Variants in ENPP4 observed in about 807,000 individuals in gnomAD.
ENPP4 encodes bis(5'-adenosyl)-triphosphatase ENPP4.
ENPP4 carries 18 observed loss-of-function variants against 33.4 expected under a neutral mutation model. That is an observed-to-expected ratio of 0.54 (90% CI 0.37 to 0.80). The LOEUF is 0.80. ENPP4 is among the 30% of genes least tolerant of loss of function. The pLI, the probability that ENPP4 is intolerant of heterozygous loss-of-function variation, is 0.00. For synonymous variants in ENPP4, 172 were observed against 189.9 expected, an observed-to-expected ratio of 0.91 and a Z score of 0.78; for missense variants, 480 against 541.7, an observed-to-expected ratio of 0.89 and a Z score of 1.13.
At position 46,145,122 on chromosome 6, in the gene ENPP4, G is replaced by T. The variant is rs1764124236; in HGVS notation, c.*1482G>T. 2.6e-6 allele frequency: 1 copy of T among 386,882 alleles called. No individual in the cohort carries two copies. Among genetic ancestry groups the T allele is most frequent in the Non-Finnish European group, 4.6e-6 (1 of 218,426 alleles). 24.0% of individuals were successfully genotyped at this position (386,882 alleles called of 1,614,324 possible). A position where few individuals can be genotyped will look rare whatever the true frequency, so the allele number is the denominator to read the frequency against. On this transcript the variant is annotated 3_prime_UTR_variant, in exon 4 of 4. Coordinates refer to ENST00000321037, the MANE Select transcript of ENPP4 (RefSeq NM_014936.5). Reference sequence around the variant, plus strand: ...GTTTTGACAATATAAAATAAACTTGGTAACTGTTTTACAAATATAAAAGTA... The same window carrying T: ...GTTTTGACAATATAAAATAAACTTGTTAACTGTTTTACAAATATAAAAGTA...
rs1299668721 is a variant in ENPP4 at position 46,143,296 on chromosome 6, A to C, written c.1018A>C (p.Asn340His). Residue 340 changes from asparagine to histidine, a missense_variant, in exon 4 of 4, where the codon AAT becomes CAT. Around this residue, in one of 3 missense-constraint regions of ENPP4, gnomAD observed 249 missense variants for 251.8 expected, o/e 0.99. Coordinates refer to ENST00000321037, the MANE Select transcript of ENPP4 (RefSeq NM_014936.5). ...TTCAGTAGGTGACCATGGTTATGATAATTCTTTGCCTAGTATGCATCCATT... is the reference window on the plus strand; with the variant it reads ...TTCAGTAGGTGACCATGGTTATGATCATTCTTTGCCTAGTATGCATCCATT... Reference protein sequence around the residue: ...SQKLGDHGYDNSLPSMHPFLA... With the variant: ...SQKLGDHGYDHSLPSMHPFLA... The C allele has an allele frequency of 1.9e-6, 3 of 1,586,802 alleles. No individual in the cohort carries two copies. The highest frequency in any genetic ancestry group is 1.7e-5 in the Admixed American group (1 of 58,262).
chr6:46,136,337 T>C (rs994156304), intron 1 of ENPP4, among the ~76,000 whole-genome samples: 4 of 152,056 alleles, frequency 2.6e-5, no homozygotes, highest in African/African-American at 7.2e-5. Flanking sequence ...TGATAGTAGA[T>C]ATTTGTTGAA....
At chr6:46,136,995 A>G (rs569777809) in intron 1 of ENPP4, among the ~76,000 whole-genome samples, 7 of 152,044 alleles carry the variant, frequency 4.6e-5, no homozygotes, top group African/African-American at 1.4e-4. Context: ...GATATGCTGT[A>G]TTAGATGATA....
At chr6:46,138,689 C>T (rs1764011172) in intron 1 of ENPP4, among the ~76,000 whole-genome samples, 1 of 151,772 alleles carries the variant, frequency 6.6e-6, no homozygotes, top group Admixed American at 6.6e-5. Context: ...TTTTACCTCA[C>T]TCACATGTCC....
Position 46,143,691 on chromosome 6 carries a change from A to G in ENPP4, c.*51A>G. 6.7e-7 allele frequency: 1 copy of G among 1,498,172 alleles called. No individual in the cohort carries two copies. Among genetic ancestry groups the G allele is most frequent in the Non-Finnish European group, 9.1e-7 (1 of 1,104,840 alleles). 92.8% of individuals were successfully genotyped at this position (1,498,172 alleles called of 1,614,324 possible). A position where few individuals can be genotyped will look rare whatever the true frequency, so the allele number is the denominator to read the frequency against. The stretch of plus-strand genomic sequence containing the variant: ...TCTTTGATTAATCACAAAACTAAGA[A>G]TACATCCAAAGAATAGTGTTGTAAC... On this transcript the variant is annotated 3_prime_UTR_variant, in exon 4 of 4. Transcript: ENST00000321037.
In ENPP4 at chr6:46,130,033, G is replaced by C. The variant is rs1218984848; in HGVS notation, c.-190G>C. 3 of 152,022 alleles carry C rather than the reference G, an allele frequency of 2.0e-5. No homozygotes were observed. The highest frequency in any genetic ancestry group is 3.9e-4 in the East Asian group (2 of 5,152). 9.4% of individuals were successfully genotyped at this position (152,022 alleles called of 1,614,324 possible). Reference sequence around the variant, plus strand: ...GCGCAGATAGGGACGTTGGGGCTGTGCCCCGCGGCGCGGCGCCTGCCACTG... The same window carrying C: ...GCGCAGATAGGGACGTTGGGGCTGTCCCCCGCGGCGCGGCGCCTGCCACTG... On this transcript the variant is annotated 5_prime_UTR_variant, in exon 1 of 4. Coordinates refer to ENST00000321037, the MANE Select transcript of ENPP4 (RefSeq NM_014936.5).
intron 1 of ENPP4, among the ~76,000 whole-genome samples, chr6:46,137,597 TG>T (rs1237925171): frequency 6.6e-6 from 1 of 151,904 alleles, no homozygotes; most frequent in African/African-American, 2.4e-5. Context: ...TCTTGATAGC[TG>T]AAATTGCTGT....
At position 46,141,235 on chromosome 6, in the gene ENPP4, T is replaced by A. The variant is rs763536170; in HGVS notation, c.997+13T>A. 6.3e-7 allele frequency: 1 copy of A among 1,595,362 alleles called. No individual in the cohort carries two copies. Among genetic ancestry groups the A allele is most frequent in the Non-Finnish European group, 8.6e-7 (1 of 1,165,218 alleles). ...TCATCACAAAAATGTAAGTATTTAG[T>A]TGAGATATTTCTGTTGTATCCTAGG... On this transcript the variant is annotated intron_variant, in intron 3 of 3. Transcript: ENST00000321037.
In ENPP4 at chr6:46,145,915, T is replaced by A. The variant is rs1764133912; in HGVS notation, c.*2275T>A. On this transcript the variant is annotated 3_prime_UTR_variant, in exon 4 of 4. Coordinates refer to ENST00000321037, the MANE Select transcript of ENPP4 (RefSeq NM_014936.5). ...TAATTCATTTGTATCTTTTAAAAAA[T>A]TATCACTGTTAAAGCCATTGACTCC... 1 of 151,886 alleles carries A rather than the reference T, an allele frequency of 6.6e-6. No individual in the cohort carries two copies. Among genetic ancestry groups the A allele is most frequent in the Admixed American group, 6.6e-5 (1 of 15,180 alleles). The allele number at this position is 151,886 out of a possible 1,614,324, so 9.4% of individuals were successfully genotyped here.
Position 46,141,046 on chromosome 6 carries a change from T to TC in ENPP4, c.827-5dup. On this transcript the variant is annotated splice_polypyrimidine_tract_variant and splice_region_variant and intron_variant, in intron 2 of 3. Transcript: ENST00000321037. ...GTTTCCTTTGCTGTTTCTTTTTTTT[T>TC]CTCAGATAGAACAGAGGTTTATAAC... 1 of 1,548,548 alleles carries TC rather than the reference T, an allele frequency of 6.5e-7. No individual in the cohort carries two copies. Among genetic ancestry groups the TC allele is most frequent in the Middle Eastern group, 1.9e-4 (1 of 5,302 alleles).
intron 1 of ENPP4, among the ~76,000 whole-genome samples, chr6:46,137,117 A>T (rs1024986311): frequency 2.6e-5 from 4 of 151,834 alleles, no homozygotes; most frequent in Admixed American, 6.6e-5. Flanking sequence ...AAGGGGGAAA[A>T]GATTTGGAGG....
rs1410114383 is a variant in ENPP4, at chr6:46,143,511, T to C, written c.1233T>C (p.Val411=). Reference sequence around the variant, plus strand: ...ATCTCCCAGAAGCCATCGCGATTGTTATCGGTTCACTCTTGGTGTTAACCA... The same window carrying C: ...ATCTCCCAGAAGCCATCGCGATTGTCATCGGTTCACTCTTGGTGTTAACCA... ...CINLPEAIAI[V]IGSLLVLTML... Residue 411 remains valine, a synonymous_variant, in exon 4 of 4, where the codon GTT becomes GTC. Transcript: ENST00000321037. 4.3e-6 allele frequency: 7 copies of C among 1,612,912 alleles called. No homozygotes were observed. In the East Asian group the frequency reaches 1.6e-4, roughly 36 times the overall value.
chr6:46,134,023 A>G (rs752561781), intron 1 of ENPP4, among the ~76,000 whole-genome samples: 14 of 152,176 alleles, frequency 9.2e-5, no homozygotes, highest in Non-Finnish European at 1.5e-4. Context: ...ACTGGACTTT[A>G]GCTTCATCAT....
Position 46,144,855 on chromosome 6 carries a change from A to G in ENPP4, c.*1215A>G. The G allele has an allele frequency of 2.5e-6, 1 of 394,996 alleles. No homozygotes were observed. Among genetic ancestry groups the G allele is most frequent in the Non-Finnish European group, 4.5e-6 (1 of 223,352 alleles). The allele number at this position is 394,996 out of a possible 1,614,324, so 24.5% of individuals were successfully genotyped here. ...GCAGAATAGCCTTAGTGCTACCTCC[A>G]CTTTTTTCTCCAGTATTTGCATCAC... On this transcript the variant is annotated 3_prime_UTR_variant, in exon 4 of 4. Coordinates refer to ENST00000321037, the MANE Select transcript of ENPP4 (RefSeq NM_014936.5).
At chr6:46,135,478 CT>C (rs1763962599) in intron 1 of ENPP4, among the ~76,000 whole-genome samples, 1 of 151,886 alleles carries the variant, frequency 6.6e-6, no homozygotes, top group Admixed American at 6.6e-5. Flanking sequence ...GGAGAAATAT[CT>C]TTTTCAGCTC....
rs377092824 is a variant in ENPP4, at chr6:46,140,033, T to C, written c.450T>C (p.Tyr150=). The C allele has an allele frequency of 1.2e-6, 2 of 1,612,628 alleles. No individual in the cohort carries two copies. The highest frequency in any genetic ancestry group is 1.7e-6 in the Non-Finnish European group (2 of 1,179,072). Residue 150 remains tyrosine, a synonymous_variant, in exon 2 of 4, where the codon TAT becomes TAC. Transcript: ENST00000321037. ...CCATTCACGATACCATCTCTTCCTA[T>C]TTTATGAATTACAACTCCTCAGTGT... is the stretch of plus-strand genomic sequence containing the variant. ...DVPIHDTISS[Y]FMNYNSSVSF... is the part of the protein sequence containing the mutation.
At chr6:46,139,068 G>T (rs1467255294) in intron 1 of ENPP4, among the ~76,000 whole-genome samples, 1 of 151,602 alleles carries the variant, frequency 6.6e-6, no homozygotes, top group Non-Finnish European at 1.5e-5. Flanking sequence ...TTTTCAACAA[G>T]AACTGGCAAT....
intron 1 of ENPP4, among the ~76,000 whole-genome samples, chr6:46,138,543 C>T (rs1422248207): frequency 6.6e-6 from 1 of 151,824 alleles, no homozygotes; most frequent in Non-Finnish European, 1.5e-5. Context: ...TTTTACCATT[C>T]TACTCCCTGT....
chr6:46,138,855 A>G (rs1033714384), intron 1 of ENPP4, among the ~76,000 whole-genome samples: 2 of 151,878 alleles, frequency 1.3e-5, no homozygotes, highest in African/African-American at 4.8e-5. Flanking sequence ...GTTGATAGCT[A>G]AAAGGAAGTT....
Sources: gnomAD v4.1 joint callset for allele counts (sites outside exome capture counted in the v4.1 genomes callset) on GRCh38, gnomAD v4.1.1 for gene constraint, gnomAD v4.1.1 regional missense constraint, MANE v1.5 for transcripts, NCBI Gene and HGNC (gene_info 2026-07-23, HGNC 2026-07-21) for gene names.